PRKAG2: variants seen among roughly 807,000 people sequenced by gnomAD.
PRKAG2 encodes the protein protein kinase AMP-activated non-catalytic subunit gamma 2.
PRKAG2 carries 26 observed loss-of-function variants against 69.6 expected under a neutral mutation model. The observed-to-expected ratio is 0.37, with a 90% CI of 0.27 to 0.52. The LOEUF (loss-of-function observed/expected upper bound fraction) is 0.52, where lower values mean the gene tolerates loss of function less well. PRKAG2 is among the 20% of genes least tolerant of loss of function. The pLI, the probability that PRKAG2 is intolerant of heterozygous loss-of-function variation, is 0.90. For synonymous variants in PRKAG2, 293 were observed against 285.0 expected, an observed-to-expected ratio of 1.03 and a Z score of -0.28; for missense variants, 557 against 740.0, an observed-to-expected ratio of 0.75 and a Z score of 2.87.
In PRKAG2 at chr7:151,816,208, G is replaced by A. The variant is rs184074029; in HGVS notation, c.115-29667C>T. 3.4e-3 allele frequency among the ~76,000 whole-genome samples: 522 copies of A among 152,300 alleles called. 2 individuals are homozygous for A. The highest frequency in any genetic ancestry group is 5.8e-3 in the Non-Finnish European group (397 of 68,032). On this transcript the variant is annotated intron_variant, in intron 1 of 15. Transcript: ENST00000287878. The stretch of plus-strand genomic sequence containing the variant: ...CAGGAGGGTACCAGGCAATCCAGCT[G>A]TCCACTCAGAGACCTGACAAATCAC...
chr7:151,837,996 A>T (rs933357232), intron 1 of PRKAG2, among the ~76,000 whole-genome samples: 4 of 151,924 alleles, frequency 2.6e-5, no homozygotes, highest in Non-Finnish European at 5.9e-5. Context: ...ACCCTGGAGG[A>T]GGCCACACCT....
intron 3 of PRKAG2, among the ~76,000 whole-genome samples, chr7:151,707,061 T>C (rs1341077674): frequency 6.6e-6 from 1 of 152,208 alleles, no homozygotes; most frequent in African/African-American, 2.4e-5. Flanking sequence ...CTCAGCCCTG[T>C]CTCAGTTTCA....
At position 151,595,258 on chromosome 7, in the gene PRKAG2, T is replaced by C. The variant is rs1012603842; in HGVS notation, c.864+87A>G. On this transcript the variant is annotated intron_variant, in intron 6 of 15. Coordinates refer to ENST00000287878, the MANE Select transcript of PRKAG2 (RefSeq NM_016203.4). ...TAGTGCAAAGGACTCAATAAACGTT[T>C]GCTGGCATTGCTGGTTTTAAATTAC... 4 of 918,860 alleles carry C rather than the reference T, an allele frequency of 4.4e-6. No individual in the cohort carries two copies. The African/African-American group carries it at 6.6e-5, about 15-fold the overall frequency. 56.9% of individuals were successfully genotyped at this position (918,860 alleles called of 1,614,324 possible). A position where few individuals can be genotyped will look rare whatever the true frequency, so the allele number is the denominator to read the frequency against.
intron 1 of PRKAG2, among the ~76,000 whole-genome samples, chr7:151,846,212 C>T (rs2079428378): frequency 6.6e-6 from 1 of 152,294 alleles, no homozygotes; most frequent in Non-Finnish European, 1.5e-5. Flanking sequence ...CGGTGGTTCA[C>T]AGTTGTAATC....
chr7:151,649,366 T>A (rs1182619592), intron 4 of PRKAG2, among the ~76,000 whole-genome samples: 1 of 152,204 alleles, frequency 6.6e-6, no homozygotes, highest in Admixed American at 6.5e-5. Context: ...TCTCAAGTGA[T>A]CCTCTCACCT....
intron 1 of PRKAG2, among the ~76,000 whole-genome samples, chr7:151,799,280 C>T (rs1416653033): frequency 6.6e-6 from 1 of 152,236 alleles, no homozygotes; most frequent in Non-Finnish European, 1.5e-5. Flanking sequence ...CCTGGTCTTG[C>T]AACTTCTAAC....
Position 151,850,095 on chromosome 7 carries a change from C to T in PRKAG2, c.114+26412G>A, listed in dbSNP as rs996236707. Among the ~76,000 whole-genome samples, 1 of 152,114 alleles carries T rather than the reference C, an allele frequency of 6.6e-6. No individual in the cohort carries two copies. The highest frequency in any genetic ancestry group is 1.5e-5 in the Non-Finnish European group (1 of 68,032). ...CACCAGGGAGGCTGAGAACCCACACCGCCTAAACCGAGGGGCCGTGCACAC... is the reference window on the plus strand; with the variant it reads ...CACCAGGGAGGCTGAGAACCCACACTGCCTAAACCGAGGGGCCGTGCACAC... On this transcript the variant is annotated intron_variant, in intron 1 of 15. Coordinates refer to ENST00000287878, the MANE Select transcript of PRKAG2 (RefSeq NM_016203.4). This position sits in a 1 kb window ranked among gnomAD's most constrained non-coding sequence, Gnocchi z 4.1.
rs34971340 is a variant in PRKAG2 at position 151,715,322 on chromosome 7, C to CAAAAAAAAAA, written c.467-39695_467-39686dup. Among the ~76,000 whole-genome samples, 80 of 62,432 alleles carry CAAAAAAAAAA rather than the reference C, an allele frequency of 1.3e-3. 2 individuals carry two copies. The highest frequency in any genetic ancestry group is 4.8e-3 in the African/African-American group (68 of 14,034). 41.0% of individuals were successfully genotyped at this position (62,432 alleles called of 152,430 possible). A position where few individuals can be genotyped will look rare whatever the true frequency, so the allele number is the denominator to read the frequency against. ...TGAGCCACTGCACCTGGCCTAAAAG[C>CAAAAAAAAAA]AAAAAAAAAAAAAAAAAAAAAAAAA... On this transcript the variant is annotated intron_variant, in intron 3 of 15. Transcript: ENST00000287878.
chr7:151,571,499 GC>G (rs1400865192), intron 9 of PRKAG2, among the ~76,000 whole-genome samples: 21 of 152,272 alleles, frequency 1.4e-4, no homozygotes, highest in Non-Finnish European at 2.6e-4. Context: ...GTGAGCCACC[GC>G]ACCTGGCCTT....
chr7:151,863,954 C>T (rs113045210), intron 1 of PRKAG2, among the ~76,000 whole-genome samples: 13 of 151,708 alleles, frequency 8.6e-5, no homozygotes, highest in Middle Eastern at 3.5e-3. Flanking sequence ...TGCCTTTATG[C>T]TGTATTTTAT....
intron 1 of PRKAG2, among the ~76,000 whole-genome samples, chr7:151,860,479 G>A (rs1175717190): frequency 6.6e-6 from 1 of 152,238 alleles, no homozygotes; most frequent in East Asian, 1.9e-4. Flanking sequence ...GGTGCCCAAG[G>A]CCTCGCCTGT....
At chr7:151,637,917 C>T (rs370694072) in intron 4 of PRKAG2, among the ~76,000 whole-genome samples, 1 of 152,072 alleles carries the variant, frequency 6.6e-6, no homozygotes, top group Non-Finnish European at 1.5e-5. Context: ...TTAGCTGTTT[C>T]AGGCAGGCAG....
chr7:151,766,376 C>T (rs566590616), intron 3 of PRKAG2, among the ~76,000 whole-genome samples: 1 of 152,256 alleles, frequency 6.6e-6, no homozygotes, highest in Admixed American at 6.5e-5. Flanking sequence ...ATTTTGGAGT[C>T]AACAATGGTA....
In PRKAG2 at chr7:151,559,337, C is replaced by T. The variant is rs935125033; in HGVS notation, c.1678+1187G>A. 4.1e-6 allele frequency: 4 copies of T among 985,126 alleles called. No individual in the cohort carries two copies. The African/African-American group carries it at 7.0e-5, about 17-fold the overall frequency. 61.0% of individuals were successfully genotyped at this position (985,126 alleles called of 1,614,324 possible). A position where few individuals can be genotyped will look rare whatever the true frequency, so the allele number is the denominator to read the frequency against. On this transcript the variant is annotated intron_variant, in intron 15 of 15. Coordinates refer to ENST00000287878, the MANE Select transcript of PRKAG2 (RefSeq NM_016203.4). The stretch of plus-strand genomic sequence containing the variant: ...TTCCCAGTTTTATGGCATTAACATT[C>T]GTTTAGTTCTTAATGTTTCATGATT...
chr7:151,629,789 G>A (rs58461640), intron 5 of PRKAG2, among the ~76,000 whole-genome samples: 19,581 of 152,142 alleles, frequency 0.13, 1,445 homozygotes, highest in Middle Eastern at 0.18. Flanking sequence ...ACATGAAGAC[G>A]TTAACAGGGT....
intron 4 of PRKAG2, among the ~76,000 whole-genome samples, chr7:151,658,994 T>G (rs1202077678): frequency 1.3e-5 from 2 of 152,222 alleles, no homozygotes; most frequent in African/African-American, 4.8e-5. Context: ...GGTACTGTGT[T>G]GAGCTGCAGG....
At chr7:151,642,711 A>G (rs577164768) in intron 4 of PRKAG2, among the ~76,000 whole-genome samples, 2 of 152,376 alleles carry the variant, frequency 1.3e-5, no homozygotes, top group Non-Finnish European at 2.9e-5. Flanking sequence ...CAGAGAGAGT[A>G]GCAACCAATT....
At chr7:151,845,327 T>C (rs556047185) in intron 1 of PRKAG2, among the ~76,000 whole-genome samples, 38 of 152,262 alleles carry the variant, frequency 2.5e-4, no homozygotes, top group African/African-American at 8.7e-4. Flanking sequence ...GCAAGAGGGC[T>C]CCGGCTCTCT....
At chr7:151,733,487 A>G (rs564572225) in intron 3 of PRKAG2, among the ~76,000 whole-genome samples, 1 of 152,322 alleles carries the variant, frequency 6.6e-6, no homozygotes, top group African/African-American at 2.4e-5. Context: ...CTGGCACATA[A>G]TAGGCTCTTA....
Sources: gnomAD v4.1 joint callset for allele counts (sites outside exome capture counted in the v4.1 genomes callset) on GRCh38, gnomAD v4.1.1 for gene constraint, Gnocchi (gnomAD v3.1) non-coding constraint, MANE v1.5 for transcripts, NCBI Gene and HGNC (gene_info 2026-07-23, HGNC 2026-07-21) for gene names.